Variants in CYP3A4 observed in about 807,000 individuals in gnomAD.
CYP3A4 encodes the protein cytochrome P450 family 3 subfamily A member 4.
In CYP3A4, 41 loss-of-function variants were observed where a neutral mutation model predicts 54.9. The ratio of observed to expected loss-of-function variants is 0.75; its 90% CI spans 0.58 to 0.97. CYP3A4 has a LOEUF of 0.97. CYP3A4 is among the 50% of genes least tolerant of loss of function. The probability of loss-of-function intolerance (pLI) is 0.00; values close to 1 mark genes in which losing one functional copy is unlikely to be tolerated. For missense variants in CYP3A4, 510 were observed against 597.3 expected (o/e 0.85, Z 1.52); for synonymous variants, 179 against 205.2 (o/e 0.87, Z 1.09).
intron 6 of CYP3A4, among the ~76,000 whole-genome samples, chr7:99,769,012 G>A (rs1815556692): frequency 6.6e-6 from 1 of 152,152 alleles, no homozygotes; most frequent in Non-Finnish European, 1.5e-5. Context: ...CCCTGCTCAA[G>A]CTTTGGAAAA....
rs763633388 is a variant in CYP3A4, at chr7:99,784,100, T to C, written c.-19A>G. 1.4e-5 allele frequency: 23 copies of C among 1,607,906 alleles called. No individual in the cohort carries two copies. Among genetic ancestry groups the C allele is most frequent in the Middle Eastern group, 1.6e-4 (1 of 6,068 alleles). ...GAGCCATCACTACTTTCCTTACTTATCTCTCTCCTCTGAGTCTTCCTTTCA... is the reference window on the plus strand; with the variant it reads ...GAGCCATCACTACTTTCCTTACTTACCTCTCTCCTCTGAGTCTTCCTTTCA... On this transcript the variant is annotated 5_prime_UTR_variant, in exon 1 of 13. Transcript: ENST00000651514.
intron 8 of CYP3A4, 171 bp downstream of exon 8, chr7:99,766,960 A>G: frequency 1.8e-6 from 1 of 564,408 alleles, no homozygotes; most frequent in Non-Finnish European, 3.0e-6. Flanking sequence ...TCCTTCCCCA[A>G]ACCCCACTTT....
chr7:99,761,921 A>G, intron 11 of CYP3A4, 120 bp downstream of exon 11: 2 of 942,696 alleles, frequency 2.1e-6, no homozygotes, highest in Non-Finnish European at 3.3e-6. Context: ...AAAAATCTCT[A>G]AATATAAAAA....
At chr7:99,759,642 A>G (rs1815265332) in intron 12 of CYP3A4, among the ~76,000 whole-genome samples, 1 of 152,198 alleles carries the variant, frequency 6.6e-6, no homozygotes, top group Non-Finnish European at 1.5e-5. Context: ...AAGACATTTT[A>G]GATACAAAGA....
rs867830710 is a variant in CYP3A4, at chr7:99,768,775, A to C, written c.522-273T>G. Among the ~76,000 whole-genome samples the C allele has an allele frequency of 4.6e-5, 7 of 152,198 alleles. No individual in the cohort carries two copies. In the South Asian group the frequency reaches 1.4e-3, roughly 32 times the overall value. On this transcript the variant is annotated intron_variant, in intron 6 of 12. Coordinates refer to ENST00000651514, the MANE Select transcript of CYP3A4 (RefSeq NM_017460.6). ...CATCATAGGAAGACAGAGACCCACT[A>C]TCAGACAACTACAGTAGCATGTATT...
chr7:99,765,113 G>C (rs1322065827), intron 9 of CYP3A4, among the ~76,000 whole-genome samples: 3 of 152,154 alleles, frequency 2.0e-5, no homozygotes, highest in Non-Finnish European at 4.4e-5. Flanking sequence ...CCTAATCATA[G>C]TATTCAGTTA....
intron 5 of CYP3A4, 60 bp downstream of exon 5, chr7:99,770,062 A>C: frequency 1.3e-6 from 2 of 1,560,042 alleles, no homozygotes; most frequent in Non-Finnish European, 1.8e-6. Flanking sequence ...CTTATTTTAT[A>C]CCTGTCCCCA....
At position 99,760,817 on chromosome 7, in the gene CYP3A4, A is replaced by C; in HGVS notation, c.1416+2T>G. 6.2e-7 allele frequency: 1 copy of C among 1,613,728 alleles called. No individual in the cohort carries two copies. Among genetic ancestry groups the C allele is most frequent in the Non-Finnish European group, 8.5e-7 (1 of 1,179,786 alleles). Reference sequence around the variant, plus strand: ...CATTATTTTTATAGAAAATTGACTAACCTGTGTTTCTTTACAAGGTTTGAA... The same window carrying C: ...CATTATTTTTATAGAAAATTGACTACCCTGTGTTTCTTTACAAGGTTTGAA... On this transcript the variant is annotated splice_donor_variant, in intron 12 of 12. Coordinates refer to ENST00000651514, the MANE Select transcript of CYP3A4 (RefSeq NM_017460.6). LOFTEE classifies it high-confidence loss of function.
At chr7:99,777,658 T>C (rs1815806510) in intron 3 of CYP3A4, among the ~76,000 whole-genome samples, 1 of 152,086 alleles carries the variant, frequency 6.6e-6, no homozygotes, top group South Asian at 2.1e-4. Flanking sequence ...AAAAAAATAT[T>C]TCTGCAAGGA....
In CYP3A4 at chr7:99,757,528, GATTAACTTT is replaced by G. The variant is rs1440254507; in HGVS notation, c.*596_*604del. The G allele has an allele frequency of 1.3e-5, 2 of 152,904 alleles. No homozygotes were observed. The highest frequency in any genetic ancestry group is 2.9e-5 in the Non-Finnish European group (2 of 68,606). The allele number at this position is 152,904 out of a possible 1,614,324, so 9.5% of individuals were successfully genotyped here. A position where few individuals can be genotyped will look rare whatever the true frequency, so the allele number is the denominator to read the frequency against. On this transcript the variant is annotated 3_prime_UTR_variant, in exon 13 of 13. Coordinates refer to ENST00000651514, the MANE Select transcript of CYP3A4 (RefSeq NM_017460.6). ...CTAAACAATGGGCAAAGTCACAGTG[GATTAACTTT>G]CACCTATGTTAATAATCAAATTCTA... is the stretch of plus-strand genomic sequence containing the variant.
In CYP3A4 at chr7:99,784,027, G is replaced by A; in HGVS notation, c.55C>T (p.Leu19=). 1 of 1,613,848 alleles carries A rather than the reference G, an allele frequency of 6.2e-7. No homozygotes were observed. Residue 19 remains leucine (L), a synonymous_variant, in exon 1 of 13, where the codon CTG becomes TTG. Transcript: ENST00000651514. ...METWLLLAVS[L]VLLYLYGTHS... is the part of the protein sequence containing the mutation. ...GTTACTCACAGATAGAGGAGCACCA[G>A]GCTGACAGCCAGGAGAAGCCAGGTT... is the stretch of plus-strand genomic sequence containing the variant.
intron 4 of CYP3A4, among the ~76,000 whole-genome samples, chr7:99,771,562 A>G (rs895847412): frequency 3.9e-5 from 6 of 152,360 alleles, no homozygotes; most frequent in Admixed American, 1.3e-4. Context: ...ATTTAATTCA[A>G]TTCTTGTCAA....
chr7:99,775,810 A>C (rs933032910), intron 3 of CYP3A4, among the ~76,000 whole-genome samples: 1 of 152,236 alleles, frequency 6.6e-6, no homozygotes, highest in Non-Finnish European at 1.5e-5. Flanking sequence ...TAACACCAAA[A>C]GCAATGGCAA....
At chr7:99,770,814 GAA>G in intron 4 of CYP3A4, among the ~76,000 whole-genome samples, 1 of 152,130 alleles carries the variant, frequency 6.6e-6, no homozygotes, top group South Asian at 2.1e-4. Context: ...TGGATAGAAA[GAA>G]AAAAGAGATA....
chr7:99,768,894 T>C (rs947794578), intron 6 of CYP3A4, among the ~76,000 whole-genome samples: 2 of 152,168 alleles, frequency 1.3e-5, no homozygotes, highest in Non-Finnish European at 2.9e-5. Context: ...ACAGGTGATA[T>C]TGCCTGACTG....
intron 12 of CYP3A4, 143 bp downstream of exon 12, chr7:99,760,676 G>T (rs936922607): frequency 3.5e-6 from 4 of 1,134,826 alleles, no homozygotes; most frequent in African/African-American, 3.1e-5. Flanking sequence ...CACCCTTAAA[G>T]ATCACAGATG....
At chr7:99,777,170 T>C (rs35172000) in intron 3 of CYP3A4, among the ~76,000 whole-genome samples, 1 of 151,862 alleles carries the variant, frequency 6.6e-6, no homozygotes, top group Non-Finnish European at 1.5e-5. Context: ...AGTGAATTGA[T>C]GTGGGAAGGA....
chr7:99,779,070 C>T (rs919660121), intron 2 of CYP3A4, among the ~76,000 whole-genome samples: 1 of 152,188 alleles, frequency 6.6e-6, no homozygotes, highest in African/African-American at 2.4e-5. Flanking sequence ...AGGGCCCAGA[C>T]CCTGGGCAGA....
chr7:99,773,742 C>T (rs1815690853), intron 3 of CYP3A4, among the ~76,000 whole-genome samples: 1 of 152,066 alleles, frequency 6.6e-6, no homozygotes, highest in African/African-American at 2.4e-5. Context: ...CTAGAGAAAG[C>T]AGGAAAGATC....
Sources: gnomAD v4.1 joint callset for allele counts (sites outside exome capture counted in the v4.1 genomes callset) on GRCh38, gnomAD v4.1.1 for gene constraint, MANE v1.5 for transcripts, NCBI Gene and HGNC (gene_info 2026-07-23, HGNC 2026-07-21) for gene names.